PMPCB: variants seen among roughly 807,000 people sequenced by gnomAD.
PMPCB encodes mitochondrial-processing peptidase subunit beta.
Under a neutral mutation model 61.5 loss-of-function variants are expected in PMPCB, and 46 were observed. That is an observed-to-expected ratio of 0.75 (90% CI 0.59 to 0.96). The LOEUF (loss-of-function observed/expected upper bound fraction) is 0.96, where lower values mean the gene tolerates loss of function less well. Ranked by LOEUF, PMPCB falls within the 40% of genes least tolerant of loss-of-function variation. The probability of loss-of-function intolerance (pLI) is 0.00; values close to 1 mark genes in which losing one functional copy is unlikely to be tolerated. For missense variants in PMPCB, 590 were observed against 602.4 expected, an observed-to-expected ratio of 0.98 and a Z score of 0.22; for synonymous variants, 191 against 201.6, an observed-to-expected ratio of 0.95 and a Z score of 0.44.
intron 3 of PMPCB, 80 bp from the exon 4 acceptor site, chr7:103,300,098 C>T (rs1183516307): frequency 2.2e-6 from 3 of 1,345,882 alleles, no homozygotes; most frequent in Non-Finnish European, 3.1e-6. Context: ...AACTTATGTC[C>T]TCCATATTCA....
downstream of PMPCB, among the ~76,000 whole-genome samples, chr7:103,317,598 C>CCT (rs1818141003): frequency 6.6e-6 from 1 of 152,124 alleles, no homozygotes; most frequent in South Asian, 2.1e-4. Context: ...ATAATGCTAA[C>CCT]CTTGAAAAAT....
rs537817819 is a variant in PMPCB at position 103,307,486 on chromosome 7, T to C, written c.737-110T>C. On this transcript the variant is annotated intron_variant, in intron 6 of 12. Transcript: ENST00000249269. ...GAGCTTACTCTTAAATAATGGCTTT[T>C]AGTGAGTGTAGATAGTTCATGTGTA... The C allele has an allele frequency of 6.3e-6, 4 of 637,578 alleles. No homozygotes were observed. In the African/African-American group the frequency reaches 7.3e-5, roughly 12 times the overall value. 39.5% of individuals were successfully genotyped at this position (637,578 alleles called of 1,614,324 possible). A position where few individuals can be genotyped will look rare whatever the true frequency, so the allele number is the denominator to read the frequency against.
intron 12 of PMPCB, among the ~76,000 whole-genome samples, chr7:103,320,457 A>G (rs891520014): frequency 6.6e-6 from 1 of 152,030 alleles, no homozygotes; most frequent in South Asian, 2.1e-4. Context: ...TTCTAAACAT[A>G]ATCATCTTAC....
chr7:103,324,126 CACTA>C (rs1300619728), intron 12 of PMPCB, among the ~76,000 whole-genome samples: 6 of 152,212 alleles, frequency 3.9e-5, no homozygotes, highest in Non-Finnish European at 7.4e-5. Flanking sequence ...ATAAAATGGC[CACTA>C]ACTATTGCGC....
At chr7:103,299,570 G>A in intron 3 of PMPCB, 41 bp downstream of exon 3, 1 of 1,142,174 alleles carries the variant, frequency 8.8e-7, no homozygotes, top group Non-Finnish European at 1.3e-6. Flanking sequence ...CTCTTTAAGA[G>A]ATAATAAGCA....
At chr7:103,325,969 G>C (rs1036737086) in intron 12 of PMPCB, among the ~76,000 whole-genome samples, 6 of 152,106 alleles carry the variant, frequency 3.9e-5, no homozygotes, top group African/African-American at 7.2e-5. Context: ...CACTATAAAA[G>C]TCAGATACTG....
the PMPCB span, chr7:103,344,281 G>C: frequency 1.9e-6 from 1 of 524,408 alleles, no homozygotes; most frequent in Non-Finnish European, 3.4e-6. Context: ...GTGCTGGGGG[G>C]TTCCGTCCCG....
the PMPCB span, among the ~76,000 whole-genome samples, chr7:103,347,301 G>A: frequency 1.3e-5 from 2 of 152,192 alleles, no homozygotes; most frequent in Admixed American, 1.3e-4. Flanking sequence ...TAACAGTGAT[G>A]TTGTCCATTT....
Position 103,313,356 on chromosome 7 carries a change from A to T in PMPCB, c.*1085A>T. 8.7e-7 allele frequency: 1 copy of T among 1,151,614 alleles called. No homozygotes were observed. Among genetic ancestry groups the T allele is most frequent in the Non-Finnish European group, 1.1e-6 (1 of 937,892 alleles). The allele number at this position is 1,151,614 out of a possible 1,614,324, so 71.3% of individuals were successfully genotyped here. On this transcript the variant is annotated 3_prime_UTR_variant, in exon 13 of 13. Transcript: ENST00000249269. ...AGTAAAGATCTACCTTGTACTGTTTATCTCTTAAAAATCAATGTAATACAC... is the reference window on the plus strand; with the variant it reads ...AGTAAAGATCTACCTTGTACTGTTTTTCTCTTAAAAATCAATGTAATACAC...
the PMPCB span, chr7:103,344,684 G>T: frequency 6.4e-7 from 1 of 1,558,902 alleles, no homozygotes; most frequent in Non-Finnish European, 8.7e-7. Context: ...GGGCGCTTAG[G>T]GTCCCCTCCA....
At chr7:103,303,204 C>T (rs969614360) in intron 4 of PMPCB, among the ~76,000 whole-genome samples, 4 of 152,200 alleles carry the variant, frequency 2.6e-5, no homozygotes, top group African/African-American at 9.7e-5. Context: ...GCAATCTTTG[C>T]CTCCCGAGCT....
the PMPCB span, among the ~76,000 whole-genome samples, chr7:103,338,794 C>G: frequency 6.6e-6 from 1 of 151,982 alleles, no homozygotes; most frequent in African/African-American, 2.4e-5. Context: ...CCTGTAATCC[C>G]AGCTACTCGG....
rs1386334768 is a variant in PMPCB, at chr7:103,313,531, G to T, written c.*1260G>T. On this transcript the variant is annotated 3_prime_UTR_variant, in exon 13 of 13. Transcript: ENST00000249269. ...CTTCCTCACAGTTAAACTTTTGCTG[G>T]ATAGAAACCCTGGAAATCATTCTTG... 5 of 984,078 alleles carry T rather than the reference G, an allele frequency of 5.1e-6. No homozygotes were observed. The African/African-American group carries it at 5.2e-5, about 10-fold the overall frequency. 61.0% of individuals were successfully genotyped at this position (984,078 alleles called of 1,614,324 possible).
Position 103,304,441 on chromosome 7 carries a change from T to C in PMPCB, c.687T>C (p.Tyr229=), listed in dbSNP as rs563913632. The C allele has an allele frequency of 1.2e-6, 2 of 1,606,404 alleles. No homozygotes were observed. Among genetic ancestry groups the C allele is most frequent in the Admixed American group, 1.7e-5 (1 of 60,014 alleles). The change falls in exon 6 of 13, where the codon TAT becomes TAC. Residue 229 remains tyrosine, a synonymous_variant. Coordinates refer to ENST00000249269, the MANE Select transcript of PMPCB (RefSeq NM_004279.3). ...KSISRKDLVD[Y]ITTHYKGPRI... is the part of the protein sequence containing the mutation. Reference sequence around the variant, plus strand: ...TAAGTCGTAAGGACTTAGTGGATTATATAACCACACATTATAAGGGGCCAA... The same window carrying C: ...TAAGTCGTAAGGACTTAGTGGATTACATAACCACACATTATAAGGGGCCAA...
downstream of PMPCB, chr7:103,317,047 G>A (rs2115798231): frequency 6.4e-7 from 1 of 1,559,004 alleles, no homozygotes. Flanking sequence ...GGACTTAGAA[G>A]TATACTGTAT....
At chr7:103,319,113 G>A (rs995047914), downstream of PMPCB, among the ~76,000 whole-genome samples, 1 of 152,092 alleles carries the variant, frequency 6.6e-6, no homozygotes, top group African/African-American at 2.4e-5. Context: ...ACTCCAGCCT[G>A]GGTGACAGAG....
chr7:103,320,411 G>T (rs746668472), intron 12 of PMPCB, among the ~76,000 whole-genome samples: 1 of 151,928 alleles, frequency 6.6e-6, no homozygotes, highest in Non-Finnish European at 1.5e-5. Context: ...TAAATTTCAG[G>T]TGTACATATT....
chr7:103,319,136 TCAAAAACAAAAA>T (rs554198410), downstream of PMPCB, among the ~76,000 whole-genome samples: 3 of 151,736 alleles, frequency 2.0e-5, no homozygotes, highest in African/African-American at 4.8e-5. Flanking sequence ...AGACTCCATC[TCAAAAACAAAAA>T]CAAAAACAGG....
intron 12 of PMPCB, chr7:103,322,429 T>G: frequency 7.7e-7 from 1 of 1,293,454 alleles, no homozygotes; most frequent in Non-Finnish European, 1.0e-6. Flanking sequence ...ATAGTTTTTT[T>G]TAAAAAAAGA....
Sources: allele counts gnomAD v4.1 joint callset (sites outside exome capture counted in the v4.1 genomes callset), GRCh38; gene constraint gnomAD v4.1.1; transcripts MANE v1.5; gene names NCBI Gene and HGNC (gene_info 2026-07-23, HGNC 2026-07-21).